APBB2: variants seen among roughly 807,000 people sequenced by gnomAD.
APBB2 encodes the protein amyloid beta precursor protein binding family B member 2, also known as Fe65-like 1.
A neutral mutation model predicts 82.5 loss-of-function variants in APBB2; 38 were observed. The observed-to-expected ratio is 0.46, with a 90% CI of 0.36 to 0.60. The LOEUF is 0.60. APBB2 is among the 20% of genes least tolerant of loss of function. APBB2 has a pLI of 0.00. For missense variants in APBB2, 772 were observed against 972.3 expected (o/e 0.79, Z 2.74); for synonymous variants, 341 against 368.2 (o/e 0.93, Z 0.85).
chr4:40,843,282 A>G (rs1293655722), intron 12 of APBB2, among the ~76,000 whole-genome samples: 1 of 152,240 alleles, frequency 6.6e-6, no homozygotes, highest in East Asian at 1.9e-4. Flanking sequence ...AGCGGCCAGC[A>G]GGGCCCTGCA....
intron 12 of APBB2, chr4:40,842,223 G>GAAACAAAACA (rs374823141): frequency 5.7e-6 from 2 of 353,034 alleles, no homozygotes; most frequent in Admixed American, 3.4e-5. Flanking sequence ...GATAAGAGGC[G>GAAACAAAACA]AAACAAAACA....
intron 12 of APBB2, among the ~76,000 whole-genome samples, chr4:40,875,636 C>G (rs1360819608): frequency 1.3e-5 from 2 of 152,044 alleles, no homozygotes; most frequent in Non-Finnish European, 2.9e-5. Flanking sequence ...CAATTCAGAC[C>G]AGCTACATTT....
Position 41,088,002 on chromosome 4 carries a change from A to T in APBB2, c.-149+12637T>A, listed in dbSNP as rs191368608. On this transcript the variant is annotated intron_variant, in intron 3 of 17. Transcript: ENST00000508593. ...TAAGAATGGTAACCGTCACCTTCAG[A>T]TACAGACAAGCTGAATCTATTCAAA... 5.9e-5 allele frequency among the ~76,000 whole-genome samples: 9 copies of T among 152,356 alleles called. No homozygotes were observed. In the East Asian group the frequency reaches 1.7e-3, roughly 29 times the overall value.
In APBB2 at chr4:40,961,575, C is replaced by T. The variant is rs138463333; in HGVS notation, c.836-16502G>A. On this transcript the variant is annotated intron_variant, in intron 6 of 17. Coordinates refer to ENST00000508593, the MANE Select transcript of APBB2 (RefSeq NM_004307.2). ...CGAGTTAGTGGGTGCAGCGCACCAG[C>T]GTGGCACATGTATGCATATGTAACT... 8.0e-3 allele frequency among the ~76,000 whole-genome samples: 1,160 copies of T among 144,898 alleles called. 6 individuals are homozygous for T. Among genetic ancestry groups the T allele is most frequent in the African/African-American group, 0.015 (603 of 39,106 alleles).
chr4:40,841,422 A>G (rs1409655707), intron 12 of APBB2, among the ~76,000 whole-genome samples: 1 of 152,182 alleles, frequency 6.6e-6, no homozygotes, highest in East Asian at 1.9e-4. Flanking sequence ...TGGAGCTTAA[A>G]GTCCCCAATC....
intron 6 of APBB2, among the ~76,000 whole-genome samples, chr4:40,956,583 C>A (rs562551397): frequency 6.6e-6 from 1 of 151,946 alleles, no homozygotes; most frequent in East Asian, 1.9e-4. Flanking sequence ...AATTGAACTT[C>A]CCTGTGGTAG....
intron 6 of APBB2, among the ~76,000 whole-genome samples, chr4:40,962,835 A>C (rs1483559910): frequency 6.6e-6 from 1 of 152,208 alleles, no homozygotes; most frequent in Non-Finnish European, 1.5e-5. Context: ...ACATCCAAAA[A>C]AGATTCAGAA....
At chr4:41,207,093 G>T (rs1778132013) in intron 1 of APBB2, among the ~76,000 whole-genome samples, 1 of 150,144 alleles carries the variant, frequency 6.7e-6, no homozygotes, top group Non-Finnish European at 1.5e-5. Flanking sequence ...CAACTACTTG[G>T]GTAGCTGAGG....
chr4:40,944,979 G>A lies in APBB2; in HGVS notation c.930C>T (p.His310=), dbSNP rs1004677602. 1 of 1,611,526 alleles carries A rather than the reference G, an allele frequency of 6.2e-7. No individual in the cohort carries two copies. The highest frequency in any genetic ancestry group is 8.5e-7 in the Non-Finnish European group (1 of 1,178,642). The part of the protein sequence containing the change: ...VSDIAGTYYW[H]IPTGTTQWER... ...CCCACTGAGTCGTTCCTGTTGGGAT[G>A]TGCCAATAATAGGTCCCGGCAATGT... Residue 310 remains histidine, a synonymous_variant, in exon 7 of 18, where the codon CAC becomes CAT. Coordinates refer to ENST00000508593, the MANE Select transcript of APBB2 (RefSeq NM_004307.2).
At chr4:40,900,214 A>C (rs1188290212) in intron 10 of APBB2, among the ~76,000 whole-genome samples, 1 of 152,136 alleles carries the variant, frequency 6.6e-6, no homozygotes. Context: ...CACAATAACA[A>C]CTGTGTATTC....
In APBB2 at chr4:41,065,680, T is replaced by TG. The variant is rs1375154731; in HGVS notation, c.-148-8dup. 2 of 137,728 alleles carry TG rather than the reference T, an allele frequency of 1.5e-5. No homozygotes were observed. The highest frequency in any genetic ancestry group is 3.1e-5 in the Non-Finnish European group (2 of 64,450). 8.5% of individuals were successfully genotyped at this position (137,728 alleles called of 1,614,324 possible). ...GAAAGACTGAGATGGTTAGCTGTGG[T>TG]GGGGGGAGAAAAAAAAAAGGTAGAA... On this transcript the variant is annotated splice_polypyrimidine_tract_variant and splice_region_variant and intron_variant, in intron 3 of 17. Coordinates refer to ENST00000508593, the MANE Select transcript of APBB2 (RefSeq NM_004307.2).
At chr4:41,009,797 A>G (rs1042962696) in intron 6 of APBB2, among the ~76,000 whole-genome samples, 3 of 152,186 alleles carry the variant, frequency 2.0e-5, no homozygotes, top group African/African-American at 7.2e-5. Context: ...CTTTTCTTTC[A>G]ACTGTTGGTA....
At chr4:41,106,657 T>C (rs1218598152) in intron 2 of APBB2, among the ~76,000 whole-genome samples, 1 of 152,050 alleles carries the variant, frequency 6.6e-6, no homozygotes, top group Admixed American at 6.6e-5. Flanking sequence ...TTTGTATTTT[T>C]AATGGAGATG....
chr4:40,893,193 T>A, intron 11 of APBB2, 72 bp downstream of exon 11: 1 of 1,563,358 alleles, frequency 6.4e-7, no homozygotes, highest in Non-Finnish European at 8.7e-7. Context: ...CATGTGTCAC[T>A]GAGCTGTGGG....
At chr4:40,885,514 G>C (rs1056032776) in intron 12 of APBB2, among the ~76,000 whole-genome samples, 1 of 152,088 alleles carries the variant, frequency 6.6e-6, no homozygotes. Flanking sequence ...ACCCGATCTC[G>C]CAAGACTGTT....
intron 13 of APBB2, among the ~76,000 whole-genome samples, chr4:40,828,753 G>A (rs1200703555): frequency 6.6e-6 from 1 of 152,248 alleles, no homozygotes; most frequent in Admixed American, 6.5e-5. Flanking sequence ...ATGCAAGAAT[G>A]TGAACATGGG....
chr4:40,996,541 C>CT (rs1553901587), intron 6 of APBB2, among the ~76,000 whole-genome samples: 1 of 152,190 alleles, frequency 6.6e-6, no homozygotes, highest in Non-Finnish European at 1.5e-5. Context: ...CAGTCCTTGG[C>CT]TATTATTCCC....
At chr4:40,960,972 A>G (rs1290351857) in intron 6 of APBB2, among the ~76,000 whole-genome samples, 1 of 151,842 alleles carries the variant, frequency 6.6e-6, no homozygotes, top group Admixed American at 6.6e-5. Context: ...AAAAAAAAAA[A>G]AAAAGCAGTC....
chr4:40,989,063 A>G (rs1019801630), intron 6 of APBB2, among the ~76,000 whole-genome samples: 32 of 152,154 alleles, frequency 2.1e-4, no homozygotes, highest in African/African-American at 7.5e-4. Context: ...CTGGCCCCAG[A>G]GTACTTTTTT....
Sources: gnomAD v4.1 joint callset for allele counts (sites outside exome capture counted in the v4.1 genomes callset) on GRCh38, gnomAD v4.1.1 for gene constraint, MANE v1.5 for transcripts, NCBI Gene and HGNC (gene_info 2026-07-23, HGNC 2026-07-21) for gene names.